Variants in GPRC5C observed in about 807,000 individuals in gnomAD.
GPRC5C encodes the protein G protein-coupled receptor family C group 5 member C.
A neutral mutation model predicts 31.4 loss-of-function variants in GPRC5C; 22 were observed. The observed-to-expected ratio is 0.70, with a 90% CI of 0.50 to 1.00. The LOEUF (loss-of-function observed/expected upper bound fraction) is 1.00, where lower values mean the gene tolerates loss of function less well. GPRC5C is among the 50% of genes least tolerant of loss of function. The pLI, the probability that GPRC5C is intolerant of heterozygous loss-of-function variation, is 0.00. For synonymous variants in GPRC5C, 249 were observed against 257.5 expected, an observed-to-expected ratio of 0.97 and a Z score of 0.32; for missense variants, 557 against 597.2, an observed-to-expected ratio of 0.93 and a Z score of 0.70.
At chr17:74,448,581 GT>G (rs2055676829), downstream of GPRC5C, among the ~76,000 whole-genome samples, 1 of 152,190 alleles carries the variant, frequency 6.6e-6, no homozygotes, top group Admixed American at 6.5e-5. Context: ...GTTTCACCAT[GT>G]TGCCCAGACT....
chr17:74,433,700 G>A, intron 1 of GPRC5C: 1 of 1,611,792 alleles, frequency 6.2e-7, no homozygotes, highest in Non-Finnish European at 8.5e-7. Flanking sequence ...ATCCCTGGGG[G>A]AACCTCCCTG....
At chr17:74,434,116 C>T (rs1347579725) in intron 1 of GPRC5C, among the ~76,000 whole-genome samples, 1 of 152,112 alleles carries the variant, frequency 6.6e-6, no homozygotes, top group Non-Finnish European at 1.5e-5. Flanking sequence ...TGGGGAAAGG[C>T]CGATTTCGGA....
intron 2 of GPRC5C, among the ~76,000 whole-genome samples, chr17:74,442,671 A>T (rs1163315781): frequency 6.6e-6 from 1 of 152,200 alleles, no homozygotes; most frequent in Non-Finnish European, 1.5e-5. Context: ...AGAATCAGAG[A>T]CATTCCTTTC....
intron 1 of GPRC5C, chr17:74,432,454 C>G (rs2055367653): frequency 4.6e-6 from 5 of 1,087,720 alleles, no homozygotes; most frequent in Non-Finnish European, 5.6e-6. Flanking sequence ...CCCACCCCCG[C>G]CCGCCCCCCG....
rs1265763217 is a variant in GPRC5C at position 74,440,073 on chromosome 17, C to T, written c.297C>T (p.Gly99=). 1 of 1,613,490 alleles carries T rather than the reference C, an allele frequency of 6.2e-7. No individual in the cohort carries two copies. Among genetic ancestry groups the T allele is most frequent in the South Asian group, 1.1e-5 (1 of 91,072 alleles). Residue 99 remains glycine (G), a synonymous_variant, in exon 2 of 4, where the codon GGC becomes GGT. Transcript: ENST00000392627. This position sits in a 1 kb window ranked among gnomAD's most constrained non-coding sequence, Gnocchi z 4.4. ...TATTCTTCCTTCTGGGGACCCTGGGCCTCTTCTGCCTCGTGTTTGCCTGTG... is the reference window on the plus strand; with the variant it reads ...TATTCTTCCTTCTGGGGACCCTGGGTCTCTTCTGCCTCGTGTTTGCCTGTG... ...TQVFFLLGTL[G]LFCLVFACVV...
Position 74,440,767 on chromosome 17 carries a change from C to T in GPRC5C, c.991C>T (p.Gln331Ter). The T allele has an allele frequency of 3.2e-6, 5 of 1,569,976 alleles. No homozygotes were observed. The highest frequency in any genetic ancestry group is 4.3e-6 in the Non-Finnish European group (5 of 1,151,620). ...GGGCTATGAGACCATCCTGAAAGAGCAGAAGGGTCAGAGCATGTTCGTGGA... is the reference window on the plus strand; with the variant it reads ...GGGCTATGAGACCATCCTGAAAGAGTAGAAGGGTCAGAGCATGTTCGTGGA... The part of the protein sequence containing the change: ...GVGYETILKE[Q>*]KGQSMFVENK... Residue 331 changes from glutamine (Q) to a stop codon, truncating the protein, a stop_gained, in exon 2 of 4, where the codon CAG (glutamine) becomes TAG (stop). Transcript: ENST00000392627. LOFTEE classifies it high-confidence loss of function. This position sits in a 1 kb window ranked among gnomAD's most constrained non-coding sequence, Gnocchi z 4.4.
At chr17:74,433,006 G>C (rs909443770) in intron 1 of GPRC5C, among the ~76,000 whole-genome samples, 2 of 151,988 alleles carry the variant, frequency 1.3e-5, no homozygotes, top group Non-Finnish European at 2.9e-5. Flanking sequence ...AGGGAAGTTT[G>C]GAAATTCAGA....
Position 74,440,406 on chromosome 17 carries a change from C to G in GPRC5C, c.630C>G (p.Val210=). The part of the protein sequence containing the change: ...SPCAIANMDF[V]MALIYVMLLL... Reference sequence around the variant, plus strand: ...GTGCCATCGCCAACATGGACTTTGTCATGGCACTCATCTACGTCATGCTGC... The same window carrying G: ...GTGCCATCGCCAACATGGACTTTGTGATGGCACTCATCTACGTCATGCTGC... The change falls in exon 2 of 4, where the codon GTC becomes GTG. Residue 210 remains valine (V), a synonymous_variant. Coordinates refer to ENST00000392627, the MANE Select transcript of GPRC5C (RefSeq NM_022036.4). The surrounding 1 kb of genome is among the most constrained non-coding windows in gnomAD (Gnocchi z 4.4). 1.9e-6 allele frequency: 3 copies of G among 1,614,068 alleles called. 1 individual carries two copies. In the Middle Eastern group the frequency reaches 5.0e-4, roughly 266 times the overall value.
intron 1 of GPRC5C, among the ~76,000 whole-genome samples, chr17:74,436,657 G>C (rs2144408991): frequency 6.6e-6 from 1 of 152,308 alleles, no homozygotes; most frequent in African/African-American, 2.4e-5. Flanking sequence ...CAGGCGCACA[G>C]TCAATATTTG....
chr17:74,448,150 A>C (rs2055670290), downstream of GPRC5C, among the ~76,000 whole-genome samples: 1 of 152,114 alleles, frequency 6.6e-6, no homozygotes, highest in Admixed American at 6.5e-5. Context: ...TTCTACAAAA[A>C]AAAAATTTTT....
rs548044940 is a variant in GPRC5C, at chr17:74,434,845, C to A, written c.-33+2704C>A. Among the ~76,000 whole-genome samples, 45 of 151,608 alleles carry A rather than the reference C, an allele frequency of 3.0e-4. No individual in the cohort carries two copies. In the South Asian group the frequency reaches 5.6e-3, roughly 19 times the overall value. ...GGCTGAGGCAGGAGAATTGCTTGAA[C>A]CTGGGAGTTGGAGGTTGCAGTGAGC... is the stretch of plus-strand genomic sequence containing the variant. On this transcript the variant is annotated intron_variant, in intron 1 of 3. Coordinates refer to ENST00000392627, the MANE Select transcript of GPRC5C (RefSeq NM_022036.4).
In GPRC5C at chr17:74,440,084, T is replaced by C; in HGVS notation, c.308T>C (p.Leu103Pro). The change falls in exon 2 of 4, where the codon CTC (leucine) becomes CCC (proline). Residue 103 changes from leucine to proline, a missense_variant. Transcript: ENST00000392627. The surrounding 1 kb of genome is among the most constrained non-coding windows in gnomAD (Gnocchi z 4.4). ...FLLGTLGLFCLVFACVVKPDF... is the reference protein window; with the variant it reads ...FLLGTLGLFCPVFACVVKPDF... The stretch of plus-strand genomic sequence containing the variant: ...CTGGGGACCCTGGGCCTCTTCTGCC[T>C]CGTGTTTGCCTGTGTGGTGAAGCCC... 6.2e-7 allele frequency: 1 copy of C among 1,613,812 alleles called. No individual in the cohort carries two copies. Among genetic ancestry groups the C allele is most frequent in the Non-Finnish European group, 8.5e-7 (1 of 1,180,026 alleles).
At chr17:74,438,003 T>A (rs1479044615) in intron 1 of GPRC5C, among the ~76,000 whole-genome samples, 1 of 151,954 alleles carries the variant, frequency 6.6e-6, no homozygotes, top group Non-Finnish European at 1.5e-5. Flanking sequence ...ACCTGTTTCT[T>A]TAAGCATTTA....
rs999904176 is a variant in GPRC5C, at chr17:74,447,392, A to G, written c.*364A>G. 9.8e-7 allele frequency: 1 copy of G among 1,020,328 alleles called. No homozygotes were observed. Among genetic ancestry groups the G allele is most frequent in the African/African-American group, 1.7e-5 (1 of 58,760 alleles). 63.2% of individuals were successfully genotyped at this position (1,020,328 alleles called of 1,614,324 possible). The stretch of plus-strand genomic sequence containing the variant: ...GCCTGGATCTTGCTCCTCTGTGAGG[A>G]ACAAGGGTGCCTAATAAATACATTT... On this transcript the variant is annotated 3_prime_UTR_variant, in exon 4 of 4. Coordinates refer to ENST00000392627, the MANE Select transcript of GPRC5C (RefSeq NM_022036.4).
chr17:74,443,455 C>T (rs1417103169), intron 2 of GPRC5C: 2 of 384,546 alleles, frequency 5.2e-6, no homozygotes, highest in South Asian at 2.0e-5. Flanking sequence ...TCTTGGAAGG[C>T]GGCCGAAGGC....
At chr17:74,442,608 G>T (rs1309840364) in intron 2 of GPRC5C, among the ~76,000 whole-genome samples, 2 of 152,212 alleles carry the variant, frequency 1.3e-5, no homozygotes, top group Non-Finnish European at 2.9e-5. Flanking sequence ...CGGTTAACAA[G>T]CACCGGCTCT....
At chr17:74,443,257 C>T in intron 2 of GPRC5C, 1 of 221,542 alleles carries the variant, frequency 4.5e-6, no homozygotes, top group Non-Finnish European at 9.0e-6. Context: ...TGGAAACTTG[C>T]CAGGGGGCCA....
At chr17:74,432,461 C>T (rs2055367943) in intron 1 of GPRC5C, 4 of 1,081,022 alleles carry the variant, frequency 3.7e-6, no homozygotes, top group Non-Finnish European at 4.5e-6. Flanking sequence ...CCGCCCGCCC[C>T]CCGCCTGGGG....
At chr17:74,432,235 A>C in intron 1 of GPRC5C, 94 bp downstream of exon 1, 2 of 1,541,822 alleles carry the variant, frequency 1.3e-6, no homozygotes, top group South Asian at 1.2e-5. Context: ...TAGCGCCCTG[A>C]ATGGAGGTGA....
Sources: gnomAD v4.1 joint callset for allele counts (sites outside exome capture counted in the v4.1 genomes callset) on GRCh38, gnomAD v4.1.1 for gene constraint, Gnocchi (gnomAD v3.1) non-coding constraint, MANE v1.5 for transcripts, NCBI Gene and HGNC (gene_info 2026-07-23, HGNC 2026-07-21) for gene names.